The following RASA3 variants were observed in gnomAD, a reference collection of about 807,000 sequenced individuals.
RASA3 encodes the protein ras GTPase-activating protein 3.
RASA3 carries 73 observed loss-of-function variants against 110.0 expected under a neutral mutation model. The ratio of observed to expected loss-of-function variants is 0.66; its 90% CI spans 0.55 to 0.81. The LOEUF (loss-of-function observed/expected upper bound fraction) is 0.81. RASA3 is among the 30% of genes least tolerant of loss of function. The pLI is 0.00. For synonymous variants in RASA3, 500 were observed against 451.4 expected (o/e 1.11, Z -1.37); for missense variants, 976 against 1,113.2 (o/e 0.88, Z 1.75).
At position 113,996,707 on chromosome 13, in the gene RASA3, C is replaced by G. The variant is rs143664399; in HGVS notation, c.1965G>C (p.Leu655=). ...CCACGCAGTTGTTGGCCTGGATGTACAGCGCACGCTCTGGCTGGATGACCT... is the reference window on the plus strand; with the variant it reads ...CCACGCAGTTGTTGGCCTGGATGTAGAGCGCACGCTCTGGCTGGATGACCT... ...MFQVIQPERA[L]YIQANNCVEA... The change falls in exon 21 of 24, where the codon CTG becomes CTC. Residue 655 remains leucine, a synonymous_variant. Transcript: ENST00000334062. 2 of 1,613,678 alleles carry G rather than the reference C, an allele frequency of 1.2e-6. No homozygotes were observed. The highest frequency in any genetic ancestry group is 2.7e-5 in the African/African-American group (2 of 74,946).
chr13:114,070,664 C>T (rs112484291), intron 2 of RASA3, among the ~76,000 whole-genome samples: 195 of 116,586 alleles, frequency 1.7e-3, no homozygotes, highest in East Asian at 0.011. Flanking sequence ...GCTCCACAGT[C>T]TTACACGTGG....
At chr13:114,100,284 C>A (rs1197231928) in intron 1 of RASA3, among the ~76,000 whole-genome samples, 1 of 152,078 alleles carries the variant, frequency 6.6e-6, no homozygotes, top group Non-Finnish European at 1.5e-5. Context: ...TCGGCCCCGA[C>A]CCTCCCCACT....
At chr13:114,025,132 C>T (rs9525208) in intron 7 of RASA3, among the ~76,000 whole-genome samples, 3 of 152,378 alleles carry the variant, frequency 2.0e-5, no homozygotes, top group African/African-American at 4.8e-5. Flanking sequence ...CCCTGCCCCC[C>T]CTTCTCCGGG....
chr13:114,132,552 C>A lies in RASA3; in HGVS notation c.-63G>T, dbSNP rs963311347. The A allele has an allele frequency of 1.6e-6, 2 of 1,279,366 alleles. No homozygotes were observed. The highest frequency in any genetic ancestry group is 2.5e-5 in the South Asian group (1 of 40,146). The allele number at this position is 1,279,366 out of a possible 1,614,324, so 79.3% of individuals were successfully genotyped here. ...CGCGCCGAGCCCGGGCAGCTCAGGC[C>A]GAGCAGGAGGAGCGGCGGCGCCGGA... On this transcript the variant is annotated 5_prime_UTR_variant, in exon 1 of 24. Transcript: ENST00000334062.
chr13:114,050,411 G>T (rs2079125004), intron 3 of RASA3, among the ~76,000 whole-genome samples: 1 of 152,242 alleles, frequency 6.6e-6, no homozygotes, highest in Non-Finnish European at 1.5e-5. Context: ...AGATCCATGT[G>T]ACCCATTCCA....
chr13:114,011,529 G>C lies in RASA3; in HGVS notation c.1513-281C>G, dbSNP rs1052104958. On this transcript the variant is annotated intron_variant, in intron 15 of 23. Transcript: ENST00000334062. The surrounding 1 kb of genome is among the most constrained non-coding windows in gnomAD (Gnocchi z 4.8). ...GTGCATCTCAAAGTCGAAAGCATCA[G>C]GTGGGGTCATGGCTCTGGGGCGCTG... Among the ~76,000 whole-genome samples, 21 of 152,210 alleles carry C rather than the reference G, an allele frequency of 1.4e-4. No homozygotes were observed. Among genetic ancestry groups the C allele is most frequent in the African/African-American group, 4.1e-4 (17 of 41,528 alleles).
chr13:114,125,140 G>A (rs1361317425), intron 1 of RASA3, among the ~76,000 whole-genome samples: 2 of 152,146 alleles, frequency 1.3e-5, no homozygotes, highest in Non-Finnish European at 1.5e-5. Flanking sequence ...CTTCCTGCGA[G>A]TCATGTGGTT....
intron 4 of RASA3, among the ~76,000 whole-genome samples, chr13:114,039,670 C>T (rs879400906): frequency 5.5e-5 from 8 of 145,096 alleles, no homozygotes; most frequent in Non-Finnish European, 8.9e-5. Context: ...GCTTGGGCTC[C>T]GGTGGACTGA....
intron 8 of RASA3, among the ~76,000 whole-genome samples, chr13:114,023,600 T>C (rs551205566): frequency 6.6e-6 from 1 of 152,340 alleles, no homozygotes; most frequent in South Asian, 2.1e-4. Flanking sequence ...TTCTGACGCC[T>C]GCCCTCCCCA....
chr13:114,098,469 G>A (rs1043816327), intron 1 of RASA3, among the ~76,000 whole-genome samples: 5 of 152,098 alleles, frequency 3.3e-5, no homozygotes, highest in East Asian at 1.9e-4. Context: ...GGCTGCAGGC[G>A]CCCAGGCCAG....
intron 1 of RASA3, among the ~76,000 whole-genome samples, chr13:114,111,848 T>G (rs143746267): frequency 6.6e-6 from 1 of 152,174 alleles, no homozygotes. Context: ...CAGCTGCAAT[T>G]TGAGCAAAGA....
At chr13:114,023,902 C>T (rs980260403) in intron 8 of RASA3, among the ~76,000 whole-genome samples, 2 of 152,200 alleles carry the variant, frequency 1.3e-5, no homozygotes, top group African/African-American at 4.8e-5. Flanking sequence ...GGGTCCTGCT[C>T]GGTCAGGGCC....
At chr13:114,000,960 T>C in intron 18 of RASA3, 28 bp from the exon 19 acceptor site, 2 of 1,518,146 alleles carry the variant, frequency 1.3e-6, no homozygotes, top group African/African-American at 2.7e-5. Flanking sequence ...AGGGCCGGGG[T>C]CCGGGCCTCA....
chr13:113,988,659 T>C (rs1344834782), intron 22 of RASA3, among the ~76,000 whole-genome samples: 3 of 46,040 alleles, frequency 6.5e-5, no homozygotes, highest in African/African-American at 1.8e-4. Flanking sequence ...TGTCCATCCA[T>C]CCATCACTCA....
Position 114,061,017 on chromosome 13 carries a change from G to GC in RASA3, c.174-8863dup, listed in dbSNP as rs2079335036. Among the ~76,000 whole-genome samples the GC allele has an allele frequency of 4.0e-5, 5 of 123,728 alleles. No homozygotes were observed. In the South Asian group the frequency reaches 8.9e-4, roughly 22 times the overall value. The allele number at this position is 123,728 out of a possible 152,430, so 81.2% of individuals were successfully genotyped here. A position where few individuals can be genotyped will look rare whatever the true frequency, so the allele number is the denominator to read the frequency against. The stretch of plus-strand genomic sequence containing the variant: ...GAGCCCCCCACAGCCGGCAGACGGA[G>GC]CCCCCACAGCCGGCAGATGGAGCCT... On this transcript the variant is annotated intron_variant, in intron 2 of 23. Coordinates refer to ENST00000334062, the MANE Select transcript of RASA3 (RefSeq NM_007368.4).
At chr13:114,070,155 CG>C (rs1401713173) in intron 2 of RASA3, among the ~76,000 whole-genome samples, 18 of 71,322 alleles carry the variant, frequency 2.5e-4, no homozygotes, top group Non-Finnish European at 4.5e-4. Flanking sequence ...CCGGGAGACT[CG>C]GGGGTTGGGA....
chr13:114,018,947 G>A (rs770891608), intron 9 of RASA3, 28 bp from the exon 10 acceptor site: 3 of 1,612,380 alleles, frequency 1.9e-6, no homozygotes, highest in Admixed American at 1.7e-5. Flanking sequence ...ATGGAGGGGA[G>A]GCATGAGGCT....
rs906076964 is a variant in RASA3 at position 114,065,380 on chromosome 13, G to A, written c.173+8340C>T. Among the ~76,000 whole-genome samples the A allele has an allele frequency of 5.2e-5, 8 of 152,382 alleles. No homozygotes were observed. On this transcript the variant is annotated intron_variant, in intron 2 of 23. Transcript: ENST00000334062. The surrounding 1 kb of genome is among the most constrained non-coding windows in gnomAD (Gnocchi z 4.1). ...GCCGGGAGCTGCCAGGGCTGCCCCA[G>A]CCTCGGGGTAGAGGGTAAAGGCTGC...
chr13:114,131,326 G>A lies in RASA3; in HGVS notation c.55+1109C>T, dbSNP rs533634770. On this transcript the variant is annotated intron_variant, in intron 1 of 23. Transcript: ENST00000334062. The stretch of plus-strand genomic sequence containing the variant: ...GGGGGAGAAGGACCGTGGGGACCGC[G>A]ACACTGCAGGCCCTGGAAGCCTCTC... Among the ~76,000 whole-genome samples the A allele has an allele frequency of 1.3e-3, 202 of 152,242 alleles. 1 individual carries two copies. The highest frequency in any genetic ancestry group is 4.7e-3 in the African/African-American group (195 of 41,538).
Sources: allele counts gnomAD v4.1 joint callset (sites outside exome capture counted in the v4.1 genomes callset), GRCh38; gene constraint gnomAD v4.1.1; non-coding constraint Gnocchi (gnomAD v3.1); transcripts MANE v1.5; gene names NCBI Gene and HGNC (gene_info 2026-07-23, HGNC 2026-07-21).